Variants in LEO1 observed in about 807,000 individuals in gnomAD.
The protein encoded by LEO1 is RNA polymerase-associated protein LEO1.
LEO1 carries 34 observed loss-of-function variants against 80.4 expected under a neutral mutation model. The ratio of observed to expected loss-of-function variants is 0.42; its 90% CI spans 0.32 to 0.56. LEO1 has a LOEUF of 0.56. LEO1 is among the 20% of genes least tolerant of loss of function. LEO1 has a pLI of 0.10. For synonymous variants in LEO1, 262 were observed against 274.9 expected (o/e 0.95, Z 0.46); for missense variants, 631 against 814.2 (o/e 0.77, Z 2.74).
At chr15:51,942,950 CAACA>C (rs936510614) in intron 11 of LEO1, among the ~76,000 whole-genome samples, 5 of 137,816 alleles carry the variant, frequency 3.6e-5, no homozygotes, top group African/African-American at 8.1e-5. Context: ...AAAAAAAAAA[CAACA>C]AACAAATTTT....
intron 11 of LEO1, among the ~76,000 whole-genome samples, chr15:51,941,933 G>A (rs2056856290): frequency 6.6e-6 from 1 of 152,246 alleles, no homozygotes; most frequent in South Asian, 2.1e-4. Flanking sequence ...AAGTGGGAAA[G>A]GGTAGCACCA....
At chr15:51,960,548 T>G in intron 4 of LEO1, 91 bp downstream of exon 4, 2 of 735,866 alleles carry the variant, frequency 2.7e-6, no homozygotes, top group South Asian at 3.2e-5. Context: ...AGAATTCAGT[T>G]ATCAACTTCC....
At chr15:51,955,605 T>A (rs1408600322) in intron 6 of LEO1, among the ~76,000 whole-genome samples, 1 of 152,058 alleles carries the variant, frequency 6.6e-6, no homozygotes, top group Non-Finnish European at 1.5e-5. Context: ...CATACAAGGA[T>A]AGAAAGAATG....
At position 51,959,981 on chromosome 15, in the gene LEO1, C is replaced by CT. The variant is rs1303560111; in HGVS notation, c.1077dup (p.Val360SerfsTer9). The CT allele has an allele frequency of 6.2e-7, 1 of 1,613,504 alleles. No individual in the cohort carries two copies. The highest frequency in any genetic ancestry group is 8.5e-7 in the Non-Finnish European group (1 of 1,179,720). On this transcript the variant is annotated frameshift_variant, in exon 5 of 12. Transcript: ENST00000299601. LOFTEE classifies it high-confidence loss of function. ...TCAGTGTTTACTTTGGGTATTTCTACTTCTATTCTGGTCTCAGGAATTGGC... is the reference window on the plus strand; with the variant it reads ...TCAGTGTTTACTTTGGGTATTTCTACTTTCTATTCTGGTCTCAGGAATTGGC...
intron 6 of LEO1, among the ~76,000 whole-genome samples, chr15:51,958,433 C>T (rs918098725): frequency 3.3e-5 from 5 of 152,138 alleles, no homozygotes; most frequent in African/African-American, 1.2e-4. Context: ...CCATCCTGAA[C>T]AACAGAGCAA....
chr15:51,967,264 G>C (rs2057085451), intron 1 of LEO1, among the ~76,000 whole-genome samples: 1 of 152,332 alleles, frequency 6.6e-6, no homozygotes, highest in East Asian at 1.9e-4. Context: ...CTTGAGGTCA[G>C]GAGTTCGAGA....
At chr15:51,968,555 G>A (rs2057096552) in intron 1 of LEO1, among the ~76,000 whole-genome samples, 1 of 152,046 alleles carries the variant, frequency 6.6e-6, no homozygotes, top group Admixed American at 6.6e-5. Flanking sequence ...TGAAGGCCAG[G>A]CGCAGTGGCT....
intron 1 of LEO1, among the ~76,000 whole-genome samples, chr15:51,968,882 C>T (rs1306446007): frequency 6.6e-6 from 1 of 151,916 alleles, no homozygotes; most frequent in Non-Finnish European, 1.5e-5. Flanking sequence ...AAAATATTTG[C>T]AAACCATGTA....
At chr15:51,970,239 C>T (rs1199328621) in intron 1 of LEO1, among the ~76,000 whole-genome samples, 1 of 152,164 alleles carries the variant, frequency 6.6e-6, no homozygotes, top group Non-Finnish European at 1.5e-5. Flanking sequence ...TCACTGCCAA[C>T]CTCTGTCTCC....
In LEO1 at chr15:51,951,937, C is replaced by G; in HGVS notation, c.1518G>C (p.Leu506=). ...TDSATHRKMT[L]SLADRCSKTQ... ...TCTTTGAACACCTATCTGCAAGTGA[C>G]AGAGTCATCTTTCTATGTGTGGCAC... The change falls in exon 9 of 12, where the codon CTG becomes CTC. Residue 506 remains leucine, a synonymous_variant. Transcript: ENST00000299601. 6.2e-7 allele frequency: 1 copy of G among 1,613,776 alleles called. No individual in the cohort carries two copies. The highest frequency in any genetic ancestry group is 8.5e-7 in the Non-Finnish European group (1 of 1,179,692).
chr15:51,962,532 C>T lies in LEO1; in HGVS notation c.815-39G>A, dbSNP rs746402705. ...ATTAGAAGTTCTGCATAATCAGTCG[C>T]ATTAGTTGAATTTTGTGTTTTAAAA... On this transcript the variant is annotated intron_variant, in intron 2 of 11. Coordinates refer to ENST00000299601, the MANE Select transcript of LEO1 (RefSeq NM_138792.4). The T allele has an allele frequency of 2.1e-6, 3 of 1,415,968 alleles. No individual in the cohort carries two copies. In the East Asian group the frequency reaches 6.9e-5, roughly 33 times the overall value. The allele number at this position is 1,415,968 out of a possible 1,614,324, so 87.7% of individuals were successfully genotyped here.
intron 11 of LEO1, among the ~76,000 whole-genome samples, chr15:51,944,754 CT>C (rs36086372): frequency 0.16 from 24,751 of 152,052 alleles, 2,845 homozygotes; most frequent in East Asian, 0.55. Context: ...TAAATATATA[CT>C]TTTCATATAT....
At chr15:51,940,249 C>T (rs2056837660) in intron 11 of LEO1, among the ~76,000 whole-genome samples, 1 of 103,266 alleles carries the variant, frequency 9.7e-6, no homozygotes, top group Middle Eastern at 7.6e-3. Flanking sequence ...AGGGAGACTC[C>T]GTATCAAAAA....
intron 3 of LEO1, among the ~76,000 whole-genome samples, chr15:51,961,540 A>C (rs2057031057): frequency 1.3e-5 from 2 of 151,968 alleles, no homozygotes; most frequent in South Asian, 2.1e-4. Context: ...CTACAGATGC[A>C]CACCACCTCG....
chr15:51,944,987 G>A (rs2056886971), intron 11 of LEO1, among the ~76,000 whole-genome samples: 1 of 151,978 alleles, frequency 6.6e-6, no homozygotes. Context: ...AGATACCTGG[G>A]AAACAGGTAA....
At chr15:51,960,946 T>A (rs1016577994) in intron 3 of LEO1, among the ~76,000 whole-genome samples, 4 of 152,152 alleles carry the variant, frequency 2.6e-5, no homozygotes, top group African/African-American at 9.7e-5. Flanking sequence ...CAGGAGGCAC[T>A]TATTTCTCCT....
At chr15:51,962,552 T>C (rs753458149) in intron 2 of LEO1, 59 bp from the exon 3 acceptor site, 1 of 1,204,508 alleles carries the variant, frequency 8.3e-7, no homozygotes, top group Non-Finnish European at 1.2e-6. Context: ...ATTTTGTGTT[T>C]TAAAAGCAAT....
intron 5 of LEO1, among the ~76,000 whole-genome samples, chr15:51,959,160 G>A (rs1056985703): frequency 6.6e-6 from 1 of 152,000 alleles, no homozygotes; most frequent in Non-Finnish European, 1.5e-5. Flanking sequence ...GCGCCACCAT[G>A]CCTGGCTAAT....
intron 11 of LEO1, among the ~76,000 whole-genome samples, chr15:51,942,936 A>AC (rs1423313242): frequency 1.3e-5 from 2 of 150,670 alleles, no homozygotes; most frequent in African/African-American, 4.9e-5. Context: ...AAAAAAAAAA[A>AC]ACCAAAAAAA....
Sources: allele counts gnomAD v4.1 joint callset (sites outside exome capture counted in the v4.1 genomes callset), GRCh38; gene constraint gnomAD v4.1.1; transcripts MANE v1.5; gene names NCBI Gene and HGNC (gene_info 2026-07-23, HGNC 2026-07-21).